Variants in CMIP observed in about 807,000 individuals in gnomAD.
CMIP encodes c-Maf inducing protein.
CMIP carries 13 observed loss-of-function variants against 97.3 expected under a neutral mutation model. That is an observed-to-expected ratio of 0.13 (90% CI 0.09 to 0.21). CMIP has a LOEUF of 0.21. Ranked by LOEUF, CMIP falls within the 10% of genes least tolerant of loss-of-function variation. CMIP has a pLI of 1.00. For synonymous variants in CMIP, 538 were observed against 436.3 expected (o/e 1.23, Z -2.91); for missense variants, 847 against 1,024.9 (o/e 0.83, Z 2.37).
At chr16:81,550,317 A>G (rs1438370848) in intron 1 of CMIP, among the ~76,000 whole-genome samples, 1 of 152,190 alleles carries the variant, frequency 6.6e-6, no homozygotes, top group African/African-American at 2.4e-5. Flanking sequence ...GTGGAGTGGC[A>G]TTGAAGGTCA....
intron 1 of CMIP, among the ~76,000 whole-genome samples, chr16:81,465,592 C>T (rs1907154800): frequency 6.6e-6 from 1 of 152,258 alleles, no homozygotes; most frequent in African/African-American, 2.4e-5. Context: ...GTTGAATGAG[C>T]TAATAAGAAA....
chr16:81,601,248 C>T (rs79277619), intron 1 of CMIP, among the ~76,000 whole-genome samples: 194 of 152,308 alleles, frequency 1.3e-3, no homozygotes, highest in African/African-American at 4.6e-3. Context: ...TTCCCTGGCA[C>T]ATGTTTTGAG....
intron 2 of CMIP, chr16:81,617,515 A>T (rs528450967): frequency 1.4e-4 from 22 of 152,320 alleles, no homozygotes; most frequent in African/African-American, 4.3e-4. Flanking sequence ...CCTAAGACTC[A>T]TGAGCCAGGG....
chr16:81,704,158 C>T (rs1398638718), intron 18 of CMIP, 73 bp downstream of exon 18: 19 of 1,383,560 alleles, frequency 1.4e-5, no homozygotes, highest in Admixed American at 3.9e-5. Flanking sequence ...CCTATTCCCC[C>T]GTACCATCTT....
intron 3 of CMIP, chr16:81,645,374 C>T (rs1191194730): frequency 2.1e-6 from 3 of 1,454,894 alleles, no homozygotes; most frequent in Non-Finnish European, 1.8e-6. Context: ...GCGCGCGAGC[C>T]CCAGAGGCTG....
At chr16:81,523,413 TC>T (rs1271151317) in intron 1 of CMIP, among the ~76,000 whole-genome samples, 1 of 152,136 alleles carries the variant, frequency 6.6e-6, no homozygotes, top group Non-Finnish European at 1.5e-5. Context: ...TCACCCCCTG[TC>T]ACACAGAAGG....
chr16:81,677,486 A>G (rs932223077), intron 9 of CMIP, among the ~76,000 whole-genome samples: 1 of 152,156 alleles, frequency 6.6e-6, no homozygotes, highest in Non-Finnish European at 1.5e-5. Context: ...ACTGTCCCTT[A>G]TAATGCACCT....
intron 9 of CMIP, among the ~76,000 whole-genome samples, chr16:81,673,206 A>G (rs2092698816): frequency 6.6e-6 from 1 of 152,164 alleles, no homozygotes; most frequent in Non-Finnish European, 1.5e-5. Context: ...GGAGGACATC[A>G]GTGAAGTATG....
At chr16:81,531,224 C>T (rs2090228888) in intron 1 of CMIP, among the ~76,000 whole-genome samples, 1 of 152,118 alleles carries the variant, frequency 6.6e-6, no homozygotes, top group Non-Finnish European at 1.5e-5. Context: ...CAGGGACGAG[C>T]ACCGTGTGAC....
intron 1 of CMIP, among the ~76,000 whole-genome samples, chr16:81,515,255 CCT>C (rs1262820603): frequency 1.3e-5 from 2 of 152,212 alleles, no homozygotes; most frequent in Non-Finnish European, 2.9e-5. Flanking sequence ...GAGGCTGAAC[CCT>C]CTCACCTGTC....
intron 3 of CMIP, among the ~76,000 whole-genome samples, chr16:81,629,906 C>G (rs914349621): frequency 1.3e-5 from 2 of 152,226 alleles, no homozygotes; most frequent in Non-Finnish European, 2.9e-5. Context: ...TCTCAGCTTT[C>G]GCTTTATTTG....
chr16:81,686,256 G>C (rs1184986999), intron 10 of CMIP, among the ~76,000 whole-genome samples: 2 of 152,172 alleles, frequency 1.3e-5, no homozygotes, highest in African/African-American at 4.8e-5. Context: ...TCTTCTGGAG[G>C]GAAGACAAGC....
chr16:81,447,288 T>C (rs866477415), intron 1 of CMIP, among the ~76,000 whole-genome samples: 1 of 143,566 alleles, frequency 7.0e-6, no homozygotes, highest in Non-Finnish European at 1.5e-5. Context: ...TTGTTGGTGG[T>C]GGGGTAGGAA....
At position 81,652,376 on chromosome 16, in the gene CMIP, C is replaced by G. The variant is rs775966119; in HGVS notation, c.639+12C>G. 35 of 1,607,864 alleles carry G rather than the reference C, an allele frequency of 2.2e-5. No individual in the cohort carries two copies. Among genetic ancestry groups the G allele is most frequent in the Non-Finnish European group, 2.8e-5 (33 of 1,177,146 alleles). ...AACTGCTCTCAGAGGTAAAACCCCTCCCCTGGACCCCTTTACATTGTTTGC... is the reference window on the plus strand; with the variant it reads ...AACTGCTCTCAGAGGTAAAACCCCTGCCCTGGACCCCTTTACATTGTTTGC... On this transcript the variant is annotated intron_variant, in intron 4 of 20. Transcript: ENST00000537098. This position sits in a 1 kb window ranked among gnomAD's most constrained non-coding sequence, Gnocchi z 5.2.
intron 1 of CMIP, among the ~76,000 whole-genome samples, chr16:81,538,392 A>G (rs972118717): frequency 6.4e-4 from 98 of 152,254 alleles, no homozygotes; most frequent in Non-Finnish European, 1.1e-3. Flanking sequence ...TGTTGGAACA[A>G]AGTTGAAATG....
intron 7 of CMIP, among the ~76,000 whole-genome samples, chr16:81,668,701 A>G (rs1168008587): frequency 6.6e-6 from 1 of 152,026 alleles, no homozygotes; most frequent in Non-Finnish European, 1.5e-5. Flanking sequence ...CCCTCATCAT[A>G]GTGACACGTG....
chr16:81,488,196 C>T (rs1024468439), intron 1 of CMIP, among the ~76,000 whole-genome samples: 4 of 152,068 alleles, frequency 2.6e-5, no homozygotes, highest in Non-Finnish European at 4.4e-5. Flanking sequence ...GCTCCGTGAC[C>T]GTAGCACACC....
intron 3 of CMIP, among the ~76,000 whole-genome samples, chr16:81,648,784 GAAAAAAAAAAAAAAAAAAAAAAAAAA>G (rs6145916): frequency 2.6e-5 from 2 of 75,744 alleles, no homozygotes; most frequent in Non-Finnish European, 4.7e-5. Flanking sequence ...CTCTGTCTCA[GAAAAAAAAAAAAAAAAAAAAAAAAAA>G]AAAAAAAAAA....
intron 1 of CMIP, among the ~76,000 whole-genome samples, chr16:81,484,983 C>A (rs147744223): frequency 6.6e-6 from 1 of 151,870 alleles, no homozygotes; most frequent in Non-Finnish European, 1.5e-5. Flanking sequence ...CTTTCTTGGG[C>A]GAGTTTAGAG....
Sources: gnomAD v4.1 joint callset for allele counts (sites outside exome capture counted in the v4.1 genomes callset) on GRCh38, gnomAD v4.1.1 for gene constraint, Gnocchi (gnomAD v3.1) non-coding constraint, MANE v1.5 for transcripts, NCBI Gene and HGNC (gene_info 2026-07-23, HGNC 2026-07-21) for gene names.